The following PLXNA3 variants were observed in gnomAD, a reference collection of about 807,000 sequenced individuals.
PLXNA3 encodes plexin-A3.
In PLXNA3, 52 loss-of-function variants were observed where a neutral mutation model predicts 118.8. That is an observed-to-expected ratio of 0.44 (90% CI 0.35 to 0.55). The LOEUF is 0.55. Among genes scored for constraint, PLXNA3 ranks in the 20% least tolerant of loss-of-function variants. The probability of loss-of-function intolerance (pLI) is 0.01; values close to 1 mark genes in which losing one functional copy is unlikely to be tolerated. For missense variants in PLXNA3, 1,660 were observed against 1,730.8 expected, an observed-to-expected ratio of 0.96 and a Z score of 0.73; for synonymous variants, 925 against 762.4, an observed-to-expected ratio of 1.21 and a Z score of -3.51.
rs146912790 is a variant in PLXNA3, at chrX:154,464,781, C to T, written c.1956C>T (p.Tyr652=). The T allele has an allele frequency of 3.2e-5, 38 of 1,198,965 alleles. No individual in the cohort carries two copies. The African/African-American group carries it at 6.3e-4, about 20-fold the overall frequency. ...GCATGTCCTGTGTTGGCAGCCCTTACCCCTGCCACTGGTGTAAGTACCGCC... is the reference window on the plus strand; with the variant it reads ...GCATGTCCTGTGTTGGCAGCCCTTATCCCTGCCACTGGTGTAAGTACCGCC... The part of the protein sequence containing the change: ...QSCMSCVGSP[Y]PCHWCKYRHT... The change falls in exon 10 of 33, where the codon TAC becomes TAT. Residue 652 remains tyrosine (Y), a synonymous_variant. Transcript: ENST00000369682.
Position 154,466,125 on chromosome X carries a change from G to A in PLXNA3, c.2679-25G>A, listed in dbSNP as rs376752924. The A allele has an allele frequency of 8.0e-5, 97 of 1,209,066 alleles. 1 individual carries two copies. In the Middle Eastern group the frequency reaches 1.5e-3, roughly 19 times the overall value. ...TGCCCGGGCCGTATGTGGCCTGGCCGGCCCTGACGCTCTCTGAGCCCTAGG... is the reference window on the plus strand; with the variant it reads ...TGCCCGGGCCGTATGTGGCCTGGCCAGCCCTGACGCTCTCTGAGCCCTAGG... On this transcript the variant is annotated intron_variant, in intron 14 of 32. Transcript: ENST00000369682.
Position 154,464,448 on chromosome X carries a change from C to G in PLXNA3, c.1875C>G (p.Gly625=), listed in dbSNP as rs782219354. ...TGCAGCTTCTCTCCAAGGAGACAGG[C>G]GTGAGGTTTGCCGGTGCTGACTTTG... ...VRLQLLSKET[G]VRFAGADFVF... is the part of the protein sequence containing the mutation. Residue 625 remains glycine, a synonymous_variant, in exon 9 of 33, where the codon GGC becomes GGG. Coordinates refer to ENST00000369682, the MANE Select transcript of PLXNA3 (RefSeq NM_017514.5). 1 of 1,211,192 alleles carries G rather than the reference C, an allele frequency of 8.3e-7. No homozygotes were observed. The highest frequency in any genetic ancestry group is 1.1e-6 in the Non-Finnish European group (1 of 895,079).
chrX:154,462,516 C>G (rs147396281), intron 4 of PLXNA3, among the ~76,000 whole-genome samples: 88 of 112,408 alleles, frequency 7.8e-4, no homozygotes, highest in Non-Finnish European at 1.4e-3. Flanking sequence ...ATTGCCAGTT[C>G]CCACTGTGGA....
In PLXNA3 at chrX:154,473,632, G is replaced by C. The variant is rs1182786443; in HGVS notation, c.*947G>C. 6 of 112,456 alleles carry C rather than the reference G, an allele frequency of 5.3e-5. No individual in the cohort carries two copies. The highest frequency in any genetic ancestry group is 1.6e-4 in the African/African-American group (5 of 30,883). 9.3% of individuals were successfully genotyped at this position (112,456 alleles called of 1,213,427 possible). A position where few individuals can be genotyped will look rare whatever the true frequency, so the allele number is the denominator to read the frequency against. Reference sequence around the variant, plus strand: ...AATGTTTTTTCCTGATTAAATGTTGGGGAAATGCCATCCATGTGGGGCTCT... The same window carrying C: ...AATGTTTTTTCCTGATTAAATGTTGCGGAAATGCCATCCATGTGGGGCTCT... On this transcript the variant is annotated 3_prime_UTR_variant, in exon 33 of 33. Transcript: ENST00000369682.
chrX:154,469,256 C>T (rs782575891), intron 26 of PLXNA3, 41 bp downstream of exon 26: 9 of 1,186,445 alleles, frequency 7.6e-6, no homozygotes, highest in African/African-American at 3.5e-5. Context: ...CACTCATACC[C>T]TCCTGTGCCG....
intron 9 of PLXNA3, 48 bp downstream of exon 9, chrX:154,464,549 C>T (rs782254552): frequency 1.9e-6 from 2 of 1,064,850 alleles, no homozygotes; most frequent in Admixed American, 2.3e-5. Flanking sequence ...ATAGAGGGGA[C>T]CTCTGGGACA....
rs1299898298 is a variant in PLXNA3 at position 154,475,778 on chromosome X, G to T, written c.*3093G>T. 8.9e-6 allele frequency: 1 copy of T among 112,106 alleles called. No homozygotes were observed. Among genetic ancestry groups the T allele is most frequent in the Non-Finnish European group, 1.9e-5 (1 of 53,219 alleles). 9.2% of individuals were successfully genotyped at this position (112,106 alleles called of 1,213,427 possible). A position where few individuals can be genotyped will look rare whatever the true frequency, so the allele number is the denominator to read the frequency against. On this transcript the variant is annotated 3_prime_UTR_variant, in exon 33 of 33. Transcript: ENST00000369682. ...ACCATCATATGATAATGACAACTAA[G>T]CCACAGGAAAACAAGGCAGTTTTAA...
Position 154,474,868 on chromosome X carries a change from G to T in PLXNA3, c.*2183G>T, listed in dbSNP as rs2069225644. The T allele has an allele frequency of 1.1e-5, 1 of 88,267 alleles. No homozygotes were observed. The highest frequency in any genetic ancestry group is 4.3e-5 in the African/African-American group (1 of 23,415). 7.3% of individuals were successfully genotyped at this position (88,267 alleles called of 1,213,427 possible). On this transcript the variant is annotated 3_prime_UTR_variant, in exon 33 of 33. Coordinates refer to ENST00000369682, the MANE Select transcript of PLXNA3 (RefSeq NM_017514.5). ...GCAGTGGCAAAATCAACTCACTGCA[G>T]CCTTGATGTCCTGGGCTCAAGTGAT...
At position 154,469,165 on chromosome X, in the gene PLXNA3, A is replaced by G; in HGVS notation, c.4544A>G (p.Tyr1515Cys). ...AAAGATAAGCTGCTGGACACTGTGT[A>G]CAAGGGCATTCCGTACTCCCAGCGT... ...QAKDKLLDTV[Y>C]KGIPYSQRPK... is the part of the protein sequence containing the mutation. The change falls in exon 26 of 33, where the codon TAC becomes TGC. Residue 1515 changes from tyrosine to cysteine, a missense_variant. By Grantham distance (194) the Tyr-to-Cys change is radical. Around this residue, in one of 2 missense-constraint regions of PLXNA3, gnomAD observed 869 missense variants for 1,078.7 expected, o/e 0.81. Transcript: ENST00000369682. The G allele has an allele frequency of 8.3e-7, 1 of 1,211,396 alleles. No homozygotes were observed.
rs1054346682 is a variant in PLXNA3, at chrX:154,466,181, C to T, written c.2710C>T (p.Pro904Ser). Reference protein sequence around the residue: ...IVCEMEESLVPSPPPGPVELC... With the variant: ...IVCEMEESLVSSPPPGPVELC... ...GTGTGAGATGGAGGAGTCGCTGGTG[C>T]CCAGCCCGCCGCCGGGGCCCGTGGA... The change falls in exon 15 of 33, where the codon CCC (proline) becomes TCC (serine). Residue 904 changes from proline to serine, a missense_variant. Coordinates refer to ENST00000369682, the MANE Select transcript of PLXNA3 (RefSeq NM_017514.5). The T allele has an allele frequency of 5.8e-6, 7 of 1,210,012 alleles. No homozygotes were observed. The highest frequency in any genetic ancestry group is 3.4e-5 in the African/African-American group (2 of 57,981).
chrX:154,472,492 C>G (rs1484198772), intron 32 of PLXNA3, 98 bp from the exon 33 acceptor site: 4 of 559,910 alleles, frequency 7.1e-6, no homozygotes, highest in Non-Finnish European at 9.6e-6. Flanking sequence ...AGGGATGAGG[C>G]GTGTGGGAGG....
chrX:154,465,026 T>A lies in PLXNA3; in HGVS notation c.2052T>A (p.Pro684=). The A allele has an allele frequency of 8.3e-7, 1 of 1,201,260 alleles. No individual in the cohort carries two copies. Among genetic ancestry groups the A allele is most frequent in the Non-Finnish European group, 1.1e-6 (1 of 889,460 alleles). Residue 684 remains proline (P), a synonymous_variant, in exon 11 of 33, where the codon CCT becomes CCA. Coordinates refer to ENST00000369682, the MANE Select transcript of PLXNA3 (RefSeq NM_017514.5). ...EGRVHSPEGC[P]EILPSGDLLI... is the part of the protein sequence containing the mutation. The stretch of plus-strand genomic sequence containing the variant: ...AGGTGCTTTCCCCGCAGGGCTGCCC[T>A]GAGATCCTGCCCAGTGGGGACCTCC...
At position 154,463,408 on chromosome X, in the gene PLXNA3, C is replaced by T. The variant is rs1169052136; in HGVS notation, c.1335C>T (p.Phe445=). The T allele has an allele frequency of 2.5e-6, 3 of 1,210,538 alleles. No homozygotes were observed. Among genetic ancestry groups the T allele is most frequent in the Non-Finnish European group, 3.4e-6 (3 of 895,169 alleles). ...GSLKKVRVDG[F]QDAHLYETVP... Reference sequence around the variant, plus strand: ...TGGCTCAGGTGCGGGTCGATGGCTTCCAGGATGCCCACCTGTATGAGACAG... The same window carrying T: ...TGGCTCAGGTGCGGGTCGATGGCTTTCAGGATGCCCACCTGTATGAGACAG... Residue 445 remains phenylalanine, a synonymous_variant, in exon 5 of 33, where the codon TTC becomes TTT. Transcript: ENST00000369682.
rs969892051 is a variant in PLXNA3, at chrX:154,474,148, T to G, written c.*1463T>G. ...AGGTGGGGAGAAGGTGACATGCAAT[T>G]TATTTATTTATTTATTTTGAGACAG... is the stretch of plus-strand genomic sequence containing the variant. On this transcript the variant is annotated 3_prime_UTR_variant, in exon 33 of 33. Transcript: ENST00000369682. The G allele has an allele frequency of 1.4e-4, 15 of 110,526 alleles. No homozygotes were observed. Among genetic ancestry groups the G allele is most frequent in the African/African-American group, 4.0e-4 (12 of 30,315 alleles). 9.1% of individuals were successfully genotyped at this position (110,526 alleles called of 1,213,427 possible). A position where few individuals can be genotyped will look rare whatever the true frequency, so the allele number is the denominator to read the frequency against.
intron 18 of PLXNA3, 39 bp from the exon 19 acceptor site, chrX:154,467,193 T>C: frequency 1.7e-6 from 2 of 1,183,295 alleles, no homozygotes; most frequent in Non-Finnish European, 1.1e-6. Flanking sequence ...CTGCAGCCCA[T>C]GGCTTCACGT....
intron 3 of PLXNA3, 66 bp downstream of exon 3, chrX:154,461,704 C>A: frequency 9.6e-7 from 1 of 1,037,545 alleles, no homozygotes; most frequent in Non-Finnish European, 1.3e-6. Flanking sequence ...CCAGCGTGGG[C>A]TCACGGCCAG....
chrX:154,465,002 G>C lies in PLXNA3; in HGVS notation c.2044-16G>C. ...AGGGTGGCCCTGTGTGCAGCTGACA[G>C]GTGCTTTCCCCGCAGGGCTGCCCTG... On this transcript the variant is annotated splice_polypyrimidine_tract_variant and intron_variant, in intron 10 of 32. Transcript: ENST00000369682. 8.5e-7 allele frequency: 1 copy of C among 1,176,824 alleles called. No homozygotes were observed. The highest frequency in any genetic ancestry group is 1.8e-5 in the African/African-American group (1 of 57,067).
chrX:154,468,975 C>T lies in PLXNA3; in HGVS notation c.4434+6C>T, dbSNP rs781896188. 8.3e-6 allele frequency: 10 copies of T among 1,209,912 alleles called. No homozygotes were observed. Among genetic ancestry groups the T allele is most frequent in the Non-Finnish European group, 1.0e-5 (9 of 894,980 alleles). On this transcript the variant is annotated splice_donor_region_variant and intron_variant, in intron 25 of 32. Transcript: ENST00000369682. Reference sequence around the variant, plus strand: ...AGATCGACTACAAGACACTGGTGAGCGCAGGGCCAGGCGGGCCAGAGGTAG... The same window carrying T: ...AGATCGACTACAAGACACTGGTGAGTGCAGGGCCAGGCGGGCCAGAGGTAG...
In PLXNA3 at chrX:154,464,042, A is replaced by G. The variant is rs138419530; in HGVS notation, c.1639A>G (p.Asn547Asp). The part of the protein sequence containing the change: ...SKCVQVRVRP[N>D]NVSVTSPGVQ... The stretch of plus-strand genomic sequence containing the variant: ...GTGTGTCCAGGTGCGGGTCCGGCCC[A>G]ACAATGTGTCAGTGACGTCACCTGG... The change falls in exon 7 of 33, where the codon AAC becomes GAC. Residue 547 changes from asparagine (N) to aspartate (D), a missense_variant. Around this residue, in one of 2 missense-constraint regions of PLXNA3, gnomAD observed 791 missense variants for 652.1 expected, o/e 1.21. Coordinates refer to ENST00000369682, the MANE Select transcript of PLXNA3 (RefSeq NM_017514.5). The G allele has an allele frequency of 1.4e-4, 165 of 1,209,306 alleles. No individual in the cohort carries two copies. The African/African-American group carries it at 2.7e-3, about 20-fold the overall frequency.
Sources: gnomAD v4.1 joint callset for allele counts (sites outside exome capture counted in the v4.1 genomes callset) on GRCh38, gnomAD v4.1.1 for gene constraint, gnomAD v4.1.1 regional missense constraint, MANE v1.5 for transcripts, NCBI Gene and HGNC (gene_info 2026-07-23, HGNC 2026-07-21) for gene names.